Variants in CNTNAP2 observed in about 807,000 individuals in gnomAD.
CNTNAP2 encodes contactin-associated protein-like 2.
CNTNAP2 carries 98 observed loss-of-function variants against 155.2 expected under a neutral mutation model. The observed-to-expected ratio is 0.63, with a 90% CI of 0.54 to 0.75. The LOEUF (loss-of-function observed/expected upper bound fraction) is 0.75. Among genes scored for constraint, CNTNAP2 ranks in the 30% least tolerant of loss-of-function variants. The pLI, the probability that CNTNAP2 is intolerant of heterozygous loss-of-function variation, is 0.00. For missense variants in CNTNAP2, 1,727 were observed against 1,688.1 expected (o/e 1.02, Z -0.40); for synonymous variants, 651 against 631.2 (o/e 1.03, Z -0.47).
chr7:148,125,655 C>CTGTG (rs763817928), intron 16 of CNTNAP2, among the ~76,000 whole-genome samples: 3,887 of 136,298 alleles, frequency 0.029, 65 homozygotes, highest in Non-Finnish European at 0.037. Flanking sequence ...TATTATAAAA[C>CTGTG]TGTGTGTGTG....
intron 1 of CNTNAP2, among the ~76,000 whole-genome samples, chr7:146,533,107 CAAAAAAAAA>C (rs553035616): frequency 1.5e-4 from 7 of 47,836 alleles, no homozygotes; most frequent in Non-Finnish European, 2.0e-4. Flanking sequence ...GACCCTGTCT[CAAAAAAAAA>C]AAAAAAAAAA....
At chr7:148,032,451 G>A (rs892121932) in intron 15 of CNTNAP2, among the ~76,000 whole-genome samples, 3 of 152,162 alleles carry the variant, frequency 2.0e-5, no homozygotes, top group African/African-American at 2.4e-5. Context: ...GACCGAAGGA[G>A]CTACCGTGCT....
Position 146,494,527 on chromosome 7 carries a change from A to G in CNTNAP2, c.98-279744A>G, listed in dbSNP as rs559013191. On this transcript the variant is annotated intron_variant, in intron 1 of 23. Transcript: ENST00000361727. ...AAATGTTTACTTATAATTTTTTTCA[A>G]TGAAATGAAGTAGCATTGATACCCT... Among the ~76,000 whole-genome samples, 27 of 152,266 alleles carry G rather than the reference A, an allele frequency of 1.8e-4. No homozygotes were observed. In the South Asian group the frequency reaches 2.5e-3, roughly 14 times the overall value.
At chr7:147,938,396 A>G (rs1384099028) in intron 14 of CNTNAP2, among the ~76,000 whole-genome samples, 2 of 152,178 alleles carry the variant, frequency 1.3e-5, no homozygotes, top group Non-Finnish European at 2.9e-5. Flanking sequence ...TACATAAAAG[A>G]ACTTGGAATA....
At chr7:147,714,618 G>T (rs1366593007) in intron 13 of CNTNAP2, among the ~76,000 whole-genome samples, 1 of 151,976 alleles carries the variant, frequency 6.6e-6, no homozygotes, top group South Asian at 2.1e-4. Flanking sequence ...AAAGGAATTG[G>T]ATTTTTTTAT....
At chr7:146,523,370 C>G (rs1384299381) in intron 1 of CNTNAP2, among the ~76,000 whole-genome samples, 1 of 151,970 alleles carries the variant, frequency 6.6e-6, no homozygotes, top group East Asian at 1.9e-4. Context: ...CAAAATATGA[C>G]TCCTTTTAAT....
intron 14 of CNTNAP2, among the ~76,000 whole-genome samples, chr7:147,909,490 GT>G (rs1322538828): frequency 1.3e-5 from 2 of 152,186 alleles, no homozygotes. Flanking sequence ...GCAATGGCCT[GT>G]GAGTACGATC....
chr7:148,212,778 A>C (rs1795571560), intron 18 of CNTNAP2, among the ~76,000 whole-genome samples: 1 of 152,210 alleles, frequency 6.6e-6, no homozygotes, highest in Non-Finnish European at 1.5e-5. Context: ...GATGTGAAAC[A>C]ATGAAATGGC....
rs116930644 is a variant in CNTNAP2 at position 146,854,426 on chromosome 7, C to T, written c.402+14522C>T. Among the ~76,000 whole-genome samples the T allele has an allele frequency of 8.3e-4, 127 of 152,198 alleles. 2 individuals carry two copies. In the East Asian group the frequency reaches 0.018, roughly 22 times the overall value. On this transcript the variant is annotated intron_variant, in intron 3 of 23. Transcript: ENST00000361727. ...AAGTTGTAAAAACAAATTAATCAGA[C>T]TTGGAATCAAGGTACACCTCTGATG...
chr7:146,621,047 A>G (rs773554174), intron 1 of CNTNAP2, among the ~76,000 whole-genome samples: 3 of 152,164 alleles, frequency 2.0e-5, no homozygotes, highest in Non-Finnish European at 4.4e-5. Context: ...GGACATATCC[A>G]TATATCGATC....
chr7:147,597,972 G>T (rs1401019878), intron 12 of CNTNAP2, among the ~76,000 whole-genome samples: 1 of 152,126 alleles, frequency 6.6e-6, no homozygotes, highest in Non-Finnish European at 1.5e-5. Flanking sequence ...AGCAGCAATA[G>T]GTCAGGCAAA....
At chr7:147,571,686 T>C (rs1161751063) in intron 12 of CNTNAP2, among the ~76,000 whole-genome samples, 2 of 152,164 alleles carry the variant, frequency 1.3e-5, no homozygotes, top group Non-Finnish European at 2.9e-5. Flanking sequence ...AGAGCTCTCC[T>C]ATTCTATATT....
intron 1 of CNTNAP2, among the ~76,000 whole-genome samples, chr7:146,741,038 C>A (rs73457266): frequency 2.0e-5 from 3 of 151,912 alleles, no homozygotes; most frequent in African/African-American, 7.3e-5. Flanking sequence ...CTGTGAGTAC[C>A]CAGTGTTGTG....
At chr7:147,789,666 C>T (rs1450410986) in intron 13 of CNTNAP2, among the ~76,000 whole-genome samples, 2 of 152,210 alleles carry the variant, frequency 1.3e-5, no homozygotes, top group South Asian at 2.1e-4. Flanking sequence ...GAGCGAAAGT[C>T]TCCCAGTGTG....
chr7:146,915,485 C>A (rs997412476), intron 3 of CNTNAP2, among the ~76,000 whole-genome samples: 3 of 152,072 alleles, frequency 2.0e-5, no homozygotes, highest in Non-Finnish European at 2.9e-5. Flanking sequence ...TCTATGATTT[C>A]TTTCAGCAGT....
intron 8 of CNTNAP2, among the ~76,000 whole-genome samples, chr7:147,189,906 G>A (rs752825029): frequency 3.3e-5 from 5 of 151,888 alleles, no homozygotes; most frequent in Admixed American, 6.6e-5. Context: ...CACCACGCCC[G>A]GCTAATTTTT....
intron 13 of CNTNAP2, among the ~76,000 whole-genome samples, chr7:147,881,007 A>G (rs938529909): frequency 6.6e-6 from 1 of 152,310 alleles, no homozygotes; most frequent in African/African-American, 2.4e-5. Flanking sequence ...GAACCCTACC[A>G]TAAGACCAGG....
chr7:146,314,895 A>T (rs577510966), intron 1 of CNTNAP2, among the ~76,000 whole-genome samples: 16 of 152,200 alleles, frequency 1.1e-4, no homozygotes, highest in African/African-American at 3.9e-4. Context: ...GCTTCCTTCC[A>T]ATAAGAGATT....
In CNTNAP2 at chr7:147,072,782, G is replaced by GT. The variant is rs569407664; in HGVS notation, c.550+28736dup. 4.8e-4 allele frequency among the ~76,000 whole-genome samples: 71 copies of GT among 148,608 alleles called. No homozygotes were observed. In the East Asian group the frequency reaches 6.3e-3, roughly 13 times the overall value. Reference sequence around the variant, plus strand: ...TTAAAGAAAGGATCACACATCTGTTGTTTTTTTTATTTTTGAGGAGGTGAA... The same window carrying GT: ...TTAAAGAAAGGATCACACATCTGTTGTTTTTTTTTATTTTTGAGGAGGTGAA... On this transcript the variant is annotated intron_variant, in intron 4 of 23. Transcript: ENST00000361727.
Sources: allele counts gnomAD v4.1 joint callset (sites outside exome capture counted in the v4.1 genomes callset), GRCh38; gene constraint gnomAD v4.1.1; transcripts MANE v1.5; gene names NCBI Gene and HGNC (gene_info 2026-07-23, HGNC 2026-07-21).